The following MACROD2 variants were observed in gnomAD, a reference collection of about 807,000 sequenced individuals.
MACROD2 encodes mono-ADP ribosylhydrolase 2, also known as ADP-ribose glycohydrolase MACROD2.
Under a neutral mutation model 70.4 loss-of-function variants are expected in MACROD2, and 36 were observed. The ratio of observed to expected loss-of-function variants is 0.51; its 90% CI spans 0.39 to 0.68. MACROD2 has a LOEUF of 0.68. Ranked by LOEUF, MACROD2 falls within the 30% of genes least tolerant of loss-of-function variation. The probability of loss-of-function intolerance (pLI) is 0.00; values close to 1 mark genes in which losing one functional copy is unlikely to be tolerated. For missense variants in MACROD2, 496 were observed against 538.4 expected (o/e 0.92, Z 0.78); for synonymous variants, 172 against 178.8 (o/e 0.96, Z 0.30).
intron 7 of MACROD2, among the ~76,000 whole-genome samples, chr20:15,468,722 T>C (rs1568830242): frequency 6.6e-6 from 1 of 152,344 alleles, no homozygotes; most frequent in African/African-American, 2.4e-5. Flanking sequence ...TCTCCTCAGA[T>C]AGATCTTCTG....
At chr20:14,451,519 C>T (rs913047590) in intron 3 of MACROD2, among the ~76,000 whole-genome samples, 1 of 152,294 alleles carries the variant, frequency 6.6e-6, no homozygotes, top group East Asian at 1.9e-4. Context: ...CCACTGGGAA[C>T]TCTGGGAGCA....
intron 8 of MACROD2, among the ~76,000 whole-genome samples, chr20:15,563,081 G>A (rs1439178863): frequency 1.3e-5 from 2 of 152,208 alleles, no homozygotes; most frequent in Non-Finnish European, 2.9e-5. Context: ...AAATATGTGT[G>A]TGCATGCAGC....
intron 10 of MACROD2, among the ~76,000 whole-genome samples, chr20:15,922,215 C>T (rs1167370741): frequency 6.6e-6 from 1 of 152,196 alleles, no homozygotes; most frequent in Non-Finnish European, 1.5e-5. Context: ...AGCTCCACAG[C>T]TCTTTTCCCC....
At chr20:15,334,219 A>G (rs2078023872) in intron 6 of MACROD2, among the ~76,000 whole-genome samples, 1 of 151,726 alleles carries the variant, frequency 6.6e-6, no homozygotes, top group African/African-American at 2.4e-5. Flanking sequence ...GTCTTAAAAC[A>G]TGATTCCTTC....
chr20:15,079,193 A>C (rs540523569), intron 5 of MACROD2, among the ~76,000 whole-genome samples: 3 of 77,564 alleles, frequency 3.9e-5, no homozygotes, highest in East Asian at 4.4e-4. Context: ...TATCCCATCT[A>C]GAGTTAACAT....
chr20:15,206,235 T>C (rs2076701032), intron 5 of MACROD2, among the ~76,000 whole-genome samples: 1 of 152,218 alleles, frequency 6.6e-6, no homozygotes, highest in African/African-American at 2.4e-5. Context: ...GAAGCAAATA[T>C]GGATTCTAAA....
At chr20:16,036,381 C>T (rs2067236864) in intron 15 of MACROD2, among the ~76,000 whole-genome samples, 1 of 152,078 alleles carries the variant, frequency 6.6e-6, no homozygotes, top group Admixed American at 6.6e-5. Context: ...ACATCTGCCT[C>T]ATTTATTACT....
chr20:15,483,210 A>G (rs983927395), intron 7 of MACROD2, among the ~76,000 whole-genome samples: 3 of 152,144 alleles, frequency 2.0e-5, no homozygotes, highest in Non-Finnish European at 4.4e-5. Context: ...ATTTAGGACT[A>G]TTATTAACTT....
intron 3 of MACROD2, among the ~76,000 whole-genome samples, chr20:14,254,181 A>G (rs2082035052): frequency 1.3e-5 from 2 of 152,048 alleles, no homozygotes; most frequent in Admixed American, 1.3e-4. Context: ...TCAGGCCTGA[A>G]TTTTGTGGTA....
At chr20:15,793,657 C>T (rs547777787) in intron 8 of MACROD2, among the ~76,000 whole-genome samples, 1 of 151,566 alleles carries the variant, frequency 6.6e-6, no homozygotes, top group African/African-American at 2.4e-5. Context: ...TAAGAATAGA[C>T]TTAGTGAAAT....
At chr20:14,365,066 A>G (rs1426006631) in intron 3 of MACROD2, among the ~76,000 whole-genome samples, 1 of 152,118 alleles carries the variant, frequency 6.6e-6, no homozygotes, top group African/African-American at 2.4e-5. Flanking sequence ...TAAATGTTAA[A>G]TTCTTTTAAA....
chr20:14,180,949 T>TG (rs35866657), intron 3 of MACROD2, among the ~76,000 whole-genome samples: 30,990 of 152,058 alleles, frequency 0.2, 3,279 homozygotes, highest in Admixed American at 0.24. Flanking sequence ...TACTTTGACT[T>TG]GGAAGAAACA....
At chr20:14,966,993 A>G (rs1264598559) in intron 5 of MACROD2, among the ~76,000 whole-genome samples, 1 of 151,678 alleles carries the variant, frequency 6.6e-6, no homozygotes, top group African/African-American at 2.4e-5. Flanking sequence ...CAAATAATTT[A>G]TGGTATGTGT....
chr20:14,319,612 G>A (rs1385719612), intron 3 of MACROD2, among the ~76,000 whole-genome samples: 2 of 152,070 alleles, frequency 1.3e-5, no homozygotes, highest in South Asian at 2.1e-4. Context: ...CTCTGCAGAC[G>A]CTGCTTTCAT....
chr20:15,181,061 CA>C (rs1256396761), intron 5 of MACROD2, among the ~76,000 whole-genome samples: 1 of 152,094 alleles, frequency 6.6e-6, no homozygotes, highest in Non-Finnish European at 1.5e-5. Context: ...CCTCTATATA[CA>C]GGGGGACCTT....
intron 3 of MACROD2, among the ~76,000 whole-genome samples, chr20:14,208,714 G>A (rs571366363): frequency 1.5e-4 from 23 of 152,190 alleles, no homozygotes; most frequent in Admixed American, 3.3e-4. Context: ...TTCCCTGTTT[G>A]TGCTGATTAG....
chr20:15,477,463 T>G (rs1200401162), intron 7 of MACROD2, among the ~76,000 whole-genome samples: 1 of 152,140 alleles, frequency 6.6e-6, no homozygotes, highest in Non-Finnish European at 1.5e-5. Flanking sequence ...GGATACCTGT[T>G]ATATTATTTT....
chr20:14,550,482 C>T (rs78212591), intron 4 of MACROD2, among the ~76,000 whole-genome samples: 6,286 of 152,186 alleles, frequency 0.041, 164 homozygotes, highest in African/African-American at 0.066. Flanking sequence ...TTCAGCCATG[C>T]GAGGTCACAG....
chr20:14,835,057 G>A (rs1425350228), intron 5 of MACROD2, among the ~76,000 whole-genome samples: 1 of 151,950 alleles, frequency 6.6e-6, no homozygotes, highest in Non-Finnish European at 1.5e-5. Flanking sequence ...TGGTATAGTA[G>A]AACTGAATGG....
Sources: gnomAD v4.1 joint callset for allele counts (sites outside exome capture counted in the v4.1 genomes callset) on GRCh38, gnomAD v4.1.1 for gene constraint, MANE v1.5 for transcripts, NCBI Gene and HGNC (gene_info 2026-07-23, HGNC 2026-07-21) for gene names.